The following GALNT13 variants were observed in gnomAD, a reference collection of about 807,000 sequenced individuals.
The protein encoded by GALNT13 is polypeptide N-acetylgalactosaminyltransferase 13.
Under a neutral mutation model 64.2 loss-of-function variants are expected in GALNT13, and 28 were observed. That is an observed-to-expected ratio of 0.44 (90% CI 0.32 to 0.60). The LOEUF is 0.60. GALNT13 is among the 20% of genes least tolerant of loss of function. The pLI, the probability that GALNT13 is intolerant of heterozygous loss-of-function variation, is 0.05. For missense variants in GALNT13, 577 were observed against 669.8 expected, an observed-to-expected ratio of 0.86 and a Z score of 1.53; for synonymous variants, 214 against 224.6, an observed-to-expected ratio of 0.95 and a Z score of 0.42.
chr2:153,758,800 A>G, the GALNT13 span, among the ~76,000 whole-genome samples: 1 of 152,034 alleles, frequency 6.6e-6, no homozygotes, highest in Non-Finnish European at 1.5e-5. Context: ...ATATGTTGGC[A>G]AGCCTGGTCT....
the GALNT13 span, among the ~76,000 whole-genome samples, chr2:153,366,765 A>G: frequency 2.7e-5 from 4 of 149,520 alleles, no homozygotes; most frequent in Admixed American, 1.3e-4. Context: ...ACACACACAC[A>G]CACACACACT....
the GALNT13 span, among the ~76,000 whole-genome samples, chr2:153,614,910 T>C: frequency 1.3e-5 from 2 of 152,126 alleles, no homozygotes; most frequent in Non-Finnish European, 2.9e-5. Context: ...TATTTTAAAA[T>C]ATACAATTAA....
chr2:153,789,337 A>G, the GALNT13 span, among the ~76,000 whole-genome samples: 1 of 145,226 alleles, frequency 6.9e-6, no homozygotes, highest in Non-Finnish European at 1.5e-5. Context: ...AACCTGATCC[A>G]GATGACTTTT....
chr2:154,416,226 A>G (rs1184849628), intron 11 of GALNT13, among the ~76,000 whole-genome samples: 1 of 152,178 alleles, frequency 6.6e-6, no homozygotes, highest in Non-Finnish European at 1.5e-5. Context: ...TAAAAACAAC[A>G]GAAATTTATT....
chr2:154,292,038 A>G (rs1316465654), intron 8 of GALNT13, among the ~76,000 whole-genome samples: 2 of 152,200 alleles, frequency 1.3e-5, no homozygotes, highest in Non-Finnish European at 2.9e-5. Flanking sequence ...AGAAGCTGGT[A>G]GTTGAGATTT....
At chr2:153,831,821 C>T in the GALNT13 span, among the ~76,000 whole-genome samples, 3 of 152,070 alleles carry the variant, frequency 2.0e-5, no homozygotes, top group Admixed American at 6.5e-5. Context: ...GGAAGCATAG[C>T]GTATCTCTTC....
At chr2:153,638,380 G>A in the GALNT13 span, among the ~76,000 whole-genome samples, 3 of 152,090 alleles carry the variant, frequency 2.0e-5, no homozygotes, top group East Asian at 5.8e-4. Flanking sequence ...GGGATACAAG[G>A]AGATATTGCA....
chr2:153,835,339 GAATT>G, the GALNT13 span, among the ~76,000 whole-genome samples: 1 of 151,862 alleles, frequency 6.6e-6, no homozygotes, highest in Non-Finnish European at 1.5e-5. Context: ...CAAAACACAA[GAATT>G]ATTTATGTCC....
chr2:154,158,985 A>T (rs1007647188), intron 4 of GALNT13, among the ~76,000 whole-genome samples: 2 of 152,086 alleles, frequency 1.3e-5, no homozygotes, highest in African/African-American at 4.8e-5. Context: ...TCTGCTTTGT[A>T]CTACTGACTA....
intron 4 of GALNT13, among the ~76,000 whole-genome samples, chr2:154,146,528 G>A (rs1037017725): frequency 1.3e-5 from 2 of 152,016 alleles, no homozygotes; most frequent in African/African-American, 4.8e-5. Flanking sequence ...AAGGACATCA[G>A]AATATGCTAC....
chr2:153,359,803 G>T, the GALNT13 span, among the ~76,000 whole-genome samples: 12 of 152,036 alleles, frequency 7.9e-5, no homozygotes, highest in Non-Finnish European at 1.6e-4. Context: ...AGATGCTAAT[G>T]GAAAAATGTG....
chr2:153,703,836 G>A, the GALNT13 span, among the ~76,000 whole-genome samples: 3 of 152,050 alleles, frequency 2.0e-5, no homozygotes, highest in African/African-American at 7.2e-5. Context: ...GAGAGAACAC[G>A]CATCACTTCT....
chr2:154,019,602 CCACACACACACACACACACACA>C (rs67316542), intron 3 of GALNT13, among the ~76,000 whole-genome samples: 28 of 126,498 alleles, frequency 2.2e-4, no homozygotes, highest in Admixed American at 5.6e-4. Flanking sequence ...GAGTAAGACT[CCACACACACACACACACACACA>C]CACACACACA....
At chr2:153,483,020 A>G in the GALNT13 span, among the ~76,000 whole-genome samples, 1 of 152,236 alleles carries the variant, frequency 6.6e-6, no homozygotes, top group Admixed American at 6.5e-5. Flanking sequence ...AAGTCTGGAA[A>G]GTGAGTGAAA....
intron 7 of GALNT13, among the ~76,000 whole-genome samples, chr2:154,250,884 A>C (rs1034167774): frequency 6.6e-6 from 1 of 152,122 alleles, no homozygotes; most frequent in Admixed American, 6.6e-5. Context: ...GCACAGGGAA[A>C]GGTCAACGTT....
intron 8 of GALNT13, among the ~76,000 whole-genome samples, chr2:154,281,805 C>T (rs1691976911): frequency 6.6e-6 from 1 of 151,984 alleles, no homozygotes; most frequent in Admixed American, 6.6e-5. Context: ...TTTTTCCTCT[C>T]CCTTTCCGCA....
the GALNT13 span, among the ~76,000 whole-genome samples, chr2:153,281,202 T>A: frequency 6.6e-6 from 1 of 152,148 alleles, no homozygotes; most frequent in East Asian, 1.9e-4. Context: ...TTCTTTTCAT[T>A]CTTTCTTTTT....
the GALNT13 span, among the ~76,000 whole-genome samples, chr2:153,860,298 C>G: frequency 1.3e-5 from 2 of 152,214 alleles, no homozygotes; most frequent in South Asian, 4.1e-4. Flanking sequence ...TGCTTCTATT[C>G]CTGTTCCTTC....
intron 3 of GALNT13, among the ~76,000 whole-genome samples, chr2:153,966,852 A>C: frequency 6.6e-6 from 1 of 152,004 alleles, no homozygotes; most frequent in East Asian, 1.9e-4. Flanking sequence ...ATCCTCTTTA[A>C]TAAAATAACT....
Sources: gnomAD v4.1 joint callset for allele counts (sites outside exome capture counted in the v4.1 genomes callset) on GRCh38, gnomAD v4.1.1 for gene constraint, MANE v1.5 for transcripts, NCBI Gene and HGNC (gene_info 2026-07-23, HGNC 2026-07-21) for gene names.